SPTBN1: variants seen among roughly 807,000 people sequenced by gnomAD.
SPTBN1 encodes spectrin beta chain, non-erythrocytic 1.
A neutral mutation model predicts 266.4 loss-of-function variants in SPTBN1; 32 were observed. The ratio of observed to expected loss-of-function variants is 0.12; its 90% confidence interval spans 0.09 to 0.16. SPTBN1 has a LOEUF of 0.16. Ranked by LOEUF, SPTBN1 falls within the 10% of genes least tolerant of loss-of-function variation. SPTBN1 has a pLI of 1.00. For missense variants in SPTBN1, 2,296 were observed against 3,067.1 expected (o/e 0.75, Z 5.94); for synonymous variants, 1,336 against 1,162.2 (o/e 1.15, Z -3.04).
rs569613024 is a variant in SPTBN1, at chr2:54,490,709, G to T, written c.-48+34191G>T. ...CAATAGGCATCTTATTCAGGTAGAT[G>T]CCAGATGGGAGGGATGGGGACAGCT... On this transcript the variant is annotated intron_variant, in intron 1 of 35. Coordinates refer to ENST00000356805, the MANE Select transcript of SPTBN1 (RefSeq NM_003128.3). Among the ~76,000 whole-genome samples, 3 of 152,296 alleles carry T rather than the reference G, an allele frequency of 2.0e-5. No homozygotes were observed. The South Asian group carries it at 6.2e-4, about 32-fold the overall frequency.
Position 54,540,525 on chromosome 2 carries a change from G to T in SPTBN1, c.148+13959G>T, listed in dbSNP as rs1188673721. 6.6e-6 allele frequency: 1 copy of T among 152,168 alleles called. No individual in the cohort carries two copies. The highest frequency in any genetic ancestry group is 1.5e-5 in the Non-Finnish European group (1 of 68,024). The allele number at this position is 152,168 out of a possible 1,614,324, so 9.4% of individuals were successfully genotyped here. On this transcript the variant is annotated intron_variant, in intron 2 of 35. Transcript: ENST00000356805. This position sits in a 1 kb window ranked among gnomAD's most constrained non-coding sequence, Gnocchi z 5.6. ...TTTGGTTAAAAGAACTAAAGCTAAA[G>T]ATTTCTTTAGTTTTCTCTTCCTTCC...
chr2:54,510,452 G>A (rs577104100), intron 1 of SPTBN1, among the ~76,000 whole-genome samples: 1 of 152,270 alleles, frequency 6.6e-6, no homozygotes, highest in African/African-American at 2.4e-5. Flanking sequence ...AGCTACTGCT[G>A]GTGCCCAGCC....
intron 1 of SPTBN1, among the ~76,000 whole-genome samples, chr2:54,496,823 A>T (rs1668994648): frequency 6.6e-6 from 1 of 152,214 alleles, no homozygotes. Context: ...ATTTCTGTAG[A>T]GCAGTTGGTT....
intron 28 of SPTBN1, 88 bp downstream of exon 28, chr2:54,655,296 G>A (rs1291826312): frequency 1.3e-6 from 2 of 1,516,008 alleles, no homozygotes; most frequent in Non-Finnish European, 1.8e-6. Flanking sequence ...CAGAGATACT[G>A]TGTTTACATT....
intron 3 of SPTBN1, among the ~76,000 whole-genome samples, chr2:54,605,176 C>T (rs144880071): frequency 1.0e-3 from 156 of 152,270 alleles, no homozygotes; most frequent in East Asian, 1.9e-4. Flanking sequence ...TCTATTGTTA[C>T]CTCTTCTTCC....
chr2:54,466,734 T>C (rs115486808), intron 1 of SPTBN1, among the ~76,000 whole-genome samples: 2,849 of 152,272 alleles, frequency 0.019, 46 homozygotes, highest in Middle Eastern at 0.037. Flanking sequence ...AATAACAAAT[T>C]CTTGTTCTTT....
chr2:54,481,236 A>G (rs1025139121), intron 1 of SPTBN1, among the ~76,000 whole-genome samples: 4 of 152,074 alleles, frequency 2.6e-5, no homozygotes, highest in African/African-American at 4.8e-5. Context: ...TCCCATTAGA[A>G]TCTCTCTTGC....
rs1284760636 is a variant in SPTBN1 at position 54,585,399 on chromosome 2, C to A, written c.149-13693C>A. 2.0e-5 allele frequency among the ~76,000 whole-genome samples: 3 copies of A among 148,814 alleles called. No homozygotes were observed. The East Asian group carries it at 5.8e-4, about 29-fold the overall frequency. ...GTCATCTTGGGGTTGAATCTGAGGT[C>A]ATTTTTTCCTCCAGTTTTTCTGTCC... is the stretch of plus-strand genomic sequence containing the variant. On this transcript the variant is annotated intron_variant, in intron 2 of 35. Transcript: ENST00000356805.
chr2:54,469,889 T>G (rs545484130), intron 1 of SPTBN1, among the ~76,000 whole-genome samples: 2 of 152,130 alleles, frequency 1.3e-5, no homozygotes, highest in African/African-American at 2.4e-5. Context: ...TGGGGTGGAG[T>G]TGGGGAAGTG....
rs1678362452 is a variant in SPTBN1 at position 54,626,682 on chromosome 2, T to G, written c.1644+448T>G. ...GGAACCAGGCAGCCAGAGTTCTGATTGTGAGTGCCTGAGTTGCCTAATCCT... is the reference window on the plus strand; with the variant it reads ...GGAACCAGGCAGCCAGAGTTCTGATGGTGAGTGCCTGAGTTGCCTAATCCT... On this transcript the variant is annotated intron_variant, in intron 12 of 35. Coordinates refer to ENST00000356805, the MANE Select transcript of SPTBN1 (RefSeq NM_003128.3). The surrounding 1 kb of genome is among the most constrained non-coding windows in gnomAD (Gnocchi z 4.7). 6.6e-6 allele frequency among the ~76,000 whole-genome samples: 1 copy of G among 152,122 alleles called. No homozygotes were observed. Among genetic ancestry groups the G allele is most frequent in the African/African-American group, 2.4e-5 (1 of 41,418 alleles).
chr2:54,589,857 AG>A (rs1401419470), intron 2 of SPTBN1, among the ~76,000 whole-genome samples: 1 of 152,218 alleles, frequency 6.6e-6, no homozygotes, highest in Non-Finnish European at 1.5e-5. Flanking sequence ...TAAGGCATAT[AG>A]GGGGACTCCA....
chr2:54,600,956 A>C (rs1462876254), intron 3 of SPTBN1, among the ~76,000 whole-genome samples: 1 of 152,146 alleles, frequency 6.6e-6, no homozygotes, highest in East Asian at 1.9e-4. Flanking sequence ...CCACATCATA[A>C]ATGGGATCAG....
Position 54,558,766 on chromosome 2 carries a change from T to C in SPTBN1, c.148+32200T>C. The C allele has an allele frequency of 1.2e-6, 2 of 1,610,400 alleles. No individual in the cohort carries two copies. The highest frequency in any genetic ancestry group is 2.2e-5 in the South Asian group (2 of 90,788). On this transcript the variant is annotated intron_variant, in intron 2 of 35. Coordinates refer to ENST00000356805, the MANE Select transcript of SPTBN1 (RefSeq NM_003128.3). The surrounding 1 kb of genome is among the most constrained non-coding windows in gnomAD (Gnocchi z 4.6). ...TCCAGGGCGCAGTCCTCCGGGGCGT[T>C]ACGCCGGGCATAATGGAATTGCAGA... is the stretch of plus-strand genomic sequence containing the variant.
chr2:54,542,160 G>A (rs1464812193), intron 2 of SPTBN1, among the ~76,000 whole-genome samples: 2 of 152,238 alleles, frequency 1.3e-5, no homozygotes, highest in African/African-American at 2.4e-5. Flanking sequence ...ATCGGTGGTA[G>A]AAACACAGTT....
intron 1 of SPTBN1, among the ~76,000 whole-genome samples, chr2:54,480,159 G>C (rs1668027978): frequency 6.6e-6 from 1 of 152,196 alleles, no homozygotes; most frequent in Admixed American, 6.5e-5. Flanking sequence ...GATGGGTGCT[G>C]GGTATTGGGA....
rs187248568 is a variant in SPTBN1, at chr2:54,637,864, T to C, written c.3858+61T>C. 4,068 of 1,368,078 alleles carry C rather than the reference T, an allele frequency of 3.0e-3. 19 individuals are homozygous for C. The highest frequency in any genetic ancestry group is 5.1e-3 in the Admixed American group (277 of 54,634). The allele number at this position is 1,368,078 out of a possible 1,614,324, so 84.7% of individuals were successfully genotyped here. A position where few individuals can be genotyped will look rare whatever the true frequency, so the allele number is the denominator to read the frequency against. On this transcript the variant is annotated intron_variant, in intron 18 of 35. Coordinates refer to ENST00000356805, the MANE Select transcript of SPTBN1 (RefSeq NM_003128.3). ...CAGTAATAGCAATTGCCAGCCAGCATTTAGCACAAGAGCCTTTTGAATTAT... is the reference window on the plus strand; with the variant it reads ...CAGTAATAGCAATTGCCAGCCAGCACTTAGCACAAGAGCCTTTTGAATTAT...
intron 1 of SPTBN1, among the ~76,000 whole-genome samples, chr2:54,489,068 C>A (rs1245609452): frequency 6.6e-6 from 1 of 151,144 alleles, no homozygotes; most frequent in African/African-American, 2.4e-5. Context: ...TGCCTGTAAT[C>A]CCAGCACTTG....
chr2:54,583,130 T>C (rs948106936), intron 2 of SPTBN1, among the ~76,000 whole-genome samples: 3 of 152,050 alleles, frequency 2.0e-5, no homozygotes, highest in Non-Finnish European at 4.4e-5. Context: ...TCTGATCTTA[T>C]TCCTGCCGCT....
At chr2:54,563,597 T>C (rs900175903) in intron 2 of SPTBN1, among the ~76,000 whole-genome samples, 15 of 95,532 alleles carry the variant, frequency 1.6e-4, no homozygotes, top group South Asian at 8.0e-4. Flanking sequence ...TTTATTCTTT[T>C]TTTTTTTTTT....
Sources: gnomAD v4.1 joint callset for allele counts (sites outside exome capture counted in the v4.1 genomes callset) on GRCh38, gnomAD v4.1.1 for gene constraint, Gnocchi (gnomAD v3.1) non-coding constraint, MANE v1.5 for transcripts, NCBI Gene and HGNC (gene_info 2026-07-23, HGNC 2026-07-21) for gene names.